Variants in LCA5 observed in about 807,000 individuals in gnomAD.
LCA5 encodes lebercilin.
A neutral mutation model predicts 53.0 loss-of-function variants in LCA5; 37 were observed. The observed-to-expected ratio is 0.70, with a 90% CI of 0.54 to 0.92. The LOEUF is 0.92. Among genes scored for constraint, LCA5 ranks in the 40% least tolerant of loss-of-function variants. LCA5 has a pLI of 0.00. For missense variants in LCA5, 806 were observed against 790.5 expected (o/e 1.02, Z -0.23); for synonymous variants, 303 against 282.9 (o/e 1.07, Z -0.71).
At chr6:79,532,622 A>T (rs1766989542) in intron 1 of LCA5, among the ~76,000 whole-genome samples, 1 of 152,144 alleles carries the variant, frequency 6.6e-6, no homozygotes, top group Non-Finnish European at 1.5e-5. Flanking sequence ...GAACTTCACA[A>T]AAGTGGTTCC....
At chr6:79,505,085 T>C (rs1484247396) in intron 3 of LCA5, among the ~76,000 whole-genome samples, 1 of 152,182 alleles carries the variant, frequency 6.6e-6, no homozygotes, top group Non-Finnish European at 1.5e-5. Context: ...TTTGTATTAT[T>C]TGAATTTTAA....
At position 79,534,761 on chromosome 6, in the gene LCA5, T is replaced by A. The variant is rs554555149; in HGVS notation, c.-192+2404A>T. 2.0e-5 allele frequency among the ~76,000 whole-genome samples: 3 copies of A among 152,020 alleles called. No homozygotes were observed. The South Asian group carries it at 6.2e-4, about 32-fold the overall frequency. On this transcript the variant is annotated intron_variant, in intron 1 of 7. Coordinates refer to ENST00000369846, the MANE Select transcript of LCA5 (RefSeq NM_001122769.3). ...TGTGTTTGAAAAGTGGGGGGGTAAA[T>A]GAGGTTAGAAAAAGAAGACAGTGAA...
At chr6:79,511,275 A>T (rs1040771046) in intron 3 of LCA5, among the ~76,000 whole-genome samples, 2 of 152,198 alleles carry the variant, frequency 1.3e-5, no homozygotes, top group African/African-American at 4.8e-5. Context: ...AATACTCCAT[A>T]GTACATCCAT....
At chr6:79,507,264 T>C (rs4706792) in intron 3 of LCA5, among the ~76,000 whole-genome samples, 22,480 of 152,162 alleles carry the variant, frequency 0.15, 1,836 homozygotes, top group East Asian at 0.22. Flanking sequence ...ATTTTTGGTT[T>C]GGGAAATATA....
At chr6:79,537,883 G>C (rs1350973969), upstream of LCA5, among the ~76,000 whole-genome samples, 1 of 152,092 alleles carries the variant, frequency 6.6e-6, no homozygotes, top group Non-Finnish European at 1.5e-5. Context: ...GGAGGATGCG[G>C]GGTGAGTGCA....
chr6:79,517,055 T>A (rs1287617258), intron 2 of LCA5, among the ~76,000 whole-genome samples: 2 of 151,862 alleles, frequency 1.3e-5, no homozygotes, highest in Non-Finnish European at 2.9e-5. Flanking sequence ...AACCCGAAAA[T>A]TCGTTTAAAA....
At position 79,493,639 on chromosome 6, in the gene LCA5, C is replaced by T; in HGVS notation, c.832G>A (p.Val278Ile). The change falls in exon 4 of 8, where the codon GTA (valine) becomes ATA (isoleucine). Residue 278 changes from valine to isoleucine, a missense_variant. Transcript: ENST00000369846. Reference sequence around the variant, plus strand: ...TTTAATTTGTGATATAGTCGCTGTACCTCCTTTTGAAGAACTTTATTTTCA... The same window carrying T: ...TTTAATTTGTGATATAGTCGCTGTATCTCCTTTTGAAGAACTTTATTTTCA... Reference protein sequence around the residue: ...HDENKVLQKEVQRLYHKLKEK... With the variant: ...HDENKVLQKEIQRLYHKLKEK... 6.2e-7 allele frequency: 1 copy of T among 1,613,534 alleles called. No individual in the cohort carries two copies. The highest frequency in any genetic ancestry group is 8.5e-7 in the Non-Finnish European group (1 of 1,179,578).
intron 3 of LCA5, among the ~76,000 whole-genome samples, chr6:79,511,637 G>A (rs2127678792): frequency 6.6e-6 from 1 of 152,160 alleles, no homozygotes; most frequent in African/African-American, 2.4e-5. Context: ...GAGTGCAGTT[G>A]ATGAACTCTA....
Position 79,487,102 on chromosome 6 carries a change from TA to T in LCA5, c.1995del (p.Phe665LeufsTer8). 6.2e-7 allele frequency: 1 copy of T among 1,613,980 alleles called. No homozygotes were observed. Among genetic ancestry groups the T allele is most frequent in the South Asian group, 1.1e-5 (1 of 91,086 alleles). On this transcript the variant is annotated frameshift_variant, in exon 8 of 8. Transcript: ENST00000369846. LOFTEE classifies it high-confidence loss of function. ...TGTTTTAATCGGTGCCTATTTGGATTAAAACTTCTTCCTTCACTGAGGAAAA... is the reference window on the plus strand; with the variant it reads ...TGTTTTAATCGGTGCCTATTTGGATTAAACTTCTTCCTTCACTGAGGAAAA... Reference protein sequence around the residue: ...EGFFLSEGRSFNPNRHRLKHA... With the variant: ...EGFFLSEGRSXNPNRHRLKHA...
At chr6:79,509,324 T>G (rs1488388223) in intron 3 of LCA5, among the ~76,000 whole-genome samples, 7 of 151,838 alleles carry the variant, frequency 4.6e-5, no homozygotes, top group Non-Finnish European at 8.8e-5. Context: ...CATGGTTGTG[T>G]GTGCCTGTAA....
chr6:79,531,950 T>G (rs901864151), intron 1 of LCA5, among the ~76,000 whole-genome samples: 5 of 152,192 alleles, frequency 3.3e-5, no homozygotes, highest in Non-Finnish European at 7.4e-5. Flanking sequence ...TCCACATTCA[T>G]ATATTCACCT....
intron 2 of LCA5, among the ~76,000 whole-genome samples, chr6:79,517,027 T>C (rs1034136381): frequency 2.0e-5 from 3 of 152,052 alleles, no homozygotes; most frequent in African/African-American, 7.2e-5. Flanking sequence ...GAAGGAAGAA[T>C]ATGCTATCAA....
At chr6:79,534,793 C>A (rs545250994) in intron 1 of LCA5, among the ~76,000 whole-genome samples, 2 of 152,174 alleles carry the variant, frequency 1.3e-5, no homozygotes, top group Non-Finnish European at 1.5e-5. Context: ...TGAAGTACGA[C>A]CCTGTCTCAA....
At chr6:79,499,573 A>T (rs372725813) in intron 3 of LCA5, among the ~76,000 whole-genome samples, 4 of 150,280 alleles carry the variant, frequency 2.7e-5, no homozygotes, top group East Asian at 3.9e-4. Flanking sequence ...AAAAAATATT[A>T]GAAGTACTTT....
At chr6:79,493,561 T>G (rs1214979900) in intron 4 of LCA5, 52 bp downstream of exon 4, 33 of 1,498,866 alleles carry the variant, frequency 2.2e-5, no homozygotes, top group Non-Finnish European at 2.9e-5. Flanking sequence ...TTAAAATATT[T>G]AATTTTCGTC....
chr6:79,529,227 AG>A (rs1414485683), intron 1 of LCA5, among the ~76,000 whole-genome samples: 1 of 152,236 alleles, frequency 6.6e-6, no homozygotes, highest in Admixed American at 6.5e-5. Context: ...TCTCCTAGAA[AG>A]AAAAAAGTTA....
intron 1 of LCA5, among the ~76,000 whole-genome samples, chr6:79,532,583 A>G (rs1270233594): frequency 1.3e-5 from 2 of 152,176 alleles, no homozygotes; most frequent in African/African-American, 2.4e-5. Context: ...GATTTTTGCC[A>G]ACAGCCTTAG....
At chr6:79,520,164 CT>C (rs35754856) in intron 1 of LCA5, among the ~76,000 whole-genome samples, 17 of 149,958 alleles carry the variant, frequency 1.1e-4, no homozygotes, top group Admixed American at 4.0e-4. Flanking sequence ...TAGTACAGTA[CT>C]TTTTTTTTAA....
chr6:79,538,714 A>G (rs1221439820), upstream of LCA5, among the ~76,000 whole-genome samples: 4 of 152,236 alleles, frequency 2.6e-5, no homozygotes, highest in Admixed American at 2.6e-4. Context: ...TACGTGGACA[A>G]ATGTCTGTCA....
Sources: allele counts gnomAD v4.1 joint callset (sites outside exome capture counted in the v4.1 genomes callset), GRCh38; gene constraint gnomAD v4.1.1; transcripts MANE v1.5; gene names NCBI Gene and HGNC (gene_info 2026-07-23, HGNC 2026-07-21).